PCDHGA2: variants seen among roughly 807,000 people sequenced by gnomAD.
The protein encoded by PCDHGA2 is protocadherin gamma subfamily A, 2, also known as protocadherin gamma-A2.
PCDHGA2 carries 40 observed loss-of-function variants against 59.2 expected under a neutral mutation model. The ratio of observed to expected loss-of-function variants is 0.68; its 90% CI spans 0.52 to 0.88. The LOEUF (loss-of-function observed/expected upper bound fraction) is 0.88, where lower values mean the gene tolerates loss of function less well. PCDHGA2 is among the 40% of genes least tolerant of loss of function. The probability of loss-of-function intolerance (pLI) is 0.00; values close to 1 mark genes in which losing one functional copy is unlikely to be tolerated. For missense variants in PCDHGA2, 1,226 were observed against 1,204.0 expected, an observed-to-expected ratio of 1.02 and a Z score of -0.27; for synonymous variants, 560 against 526.0, an observed-to-expected ratio of 1.06 and a Z score of -0.89.
At position 141,476,761 on chromosome 5, in the gene PCDHGA2, G is replaced by C. The variant is rs1293828206; in HGVS notation, c.2425-18046G>C. ...AGCCTAGTCTCCAGTTAGTGCTGAC[G>C]GCGTTGGACGGAGGGACCCCAGCTC... On this transcript the variant is annotated intron_variant, in intron 1 of 3. Transcript: ENST00000394576. This position sits in a 1 kb window ranked among gnomAD's most constrained non-coding sequence, Gnocchi z 7.6. 6.2e-7 allele frequency: 1 copy of C among 1,613,734 alleles called. No individual in the cohort carries two copies. Among genetic ancestry groups the C allele is most frequent in the East Asian group, 2.2e-5 (1 of 44,884 alleles).
intron 2 of PCDHGA2, among the ~76,000 whole-genome samples, chr5:141,504,238 G>A (rs1043662594): frequency 2.0e-5 from 3 of 152,228 alleles, no homozygotes; most frequent in African/African-American, 7.2e-5. Flanking sequence ...CTAAGAAGCA[G>A]AGAGTTCTTC....
At chr5:141,343,338 G>C in intron 1 of PCDHGA2, 1 of 981,118 alleles carries the variant, frequency 1.0e-6, no homozygotes, top group South Asian at 4.7e-5. Context: ...TTTTTTCCTT[G>C]TCTCAGCTCT....
At chr5:141,387,320 A>C (rs1461293740) in intron 1 of PCDHGA2, among the ~76,000 whole-genome samples, 1 of 152,234 alleles carries the variant, frequency 6.6e-6, no homozygotes, top group East Asian at 1.9e-4. Flanking sequence ...ATGAGTAAGT[A>C]TGGAAAATTA....
chr5:141,481,880 C>CTCCA (rs1483509373), intron 1 of PCDHGA2, among the ~76,000 whole-genome samples: 1 of 145,300 alleles, frequency 6.9e-6, no homozygotes, highest in Non-Finnish European at 1.5e-5. Context: ...CGCCACTGCA[C>CTCCA]TCCAGCCTGG....
Position 141,477,553 on chromosome 5 carries a change from A to G in PCDHGA2, c.2425-17254A>G. ...TCCCCGGGGCTCCAATACTAAACCTAAGTGTCTGGGACCCCGACGCCCCGC... is the reference window on the plus strand; with the variant it reads ...TCCCCGGGGCTCCAATACTAAACCTGAGTGTCTGGGACCCCGACGCCCCGC... On this transcript the variant is annotated intron_variant, in intron 1 of 3. Transcript: ENST00000394576. This position sits in a 1 kb window ranked among gnomAD's most constrained non-coding sequence, Gnocchi z 4.9. 5 of 1,614,090 alleles carry G rather than the reference A, an allele frequency of 3.1e-6. No individual in the cohort carries two copies. The highest frequency in any genetic ancestry group is 4.2e-6 in the Non-Finnish European group (5 of 1,180,020).
intron 1 of PCDHGA2, chr5:141,393,422 G>A: frequency 6.2e-7 from 1 of 1,614,042 alleles, no homozygotes; most frequent in Non-Finnish European, 8.5e-7. Context: ...TGGACAGGGA[G>A]GAAGAGGCTG....
intron 1 of PCDHGA2, among the ~76,000 whole-genome samples, chr5:141,449,281 G>A (rs1051064124): frequency 6.6e-6 from 1 of 151,946 alleles, no homozygotes; most frequent in Non-Finnish European, 1.5e-5. Context: ...TCCTTCACCC[G>A]GATGCACCGG....
chr5:141,365,319 G>T (rs745669256), intron 1 of PCDHGA2: 2 of 1,613,982 alleles, frequency 1.2e-6, no homozygotes, highest in South Asian at 2.2e-5. Context: ...CTTGTTGCCA[G>T]CGCTAAGGTG....
intron 1 of PCDHGA2, among the ~76,000 whole-genome samples, chr5:141,363,365 A>G (rs867687044): frequency 5.3e-5 from 8 of 152,158 alleles, no homozygotes; most frequent in Admixed American, 2.6e-4. Flanking sequence ...ATTTTTTTCA[A>G]TCAAGAGGTT....
chr5:141,492,499 C>T (rs2099741220), intron 1 of PCDHGA2, among the ~76,000 whole-genome samples: 1 of 152,198 alleles, frequency 6.6e-6, no homozygotes. Context: ...GGCGAGGACT[C>T]CGGAGCCTCC....
At chr5:141,413,118 G>A (rs999214227) in intron 1 of PCDHGA2, 4 of 1,517,034 alleles carry the variant, frequency 2.6e-6, no homozygotes, top group Admixed American at 4.3e-5. Flanking sequence ...CAAAGGAACC[G>A]GTTGAAACAC....
chr5:141,433,289 G>A, intron 1 of PCDHGA2: 1 of 1,130,682 alleles, frequency 8.8e-7, no homozygotes, highest in Non-Finnish European at 1.3e-6. Flanking sequence ...AAACTCCTAG[G>A]CTCAAGCAAT....
intron 1 of PCDHGA2, chr5:141,360,807 C>A: frequency 1.2e-6 from 2 of 1,613,914 alleles, no homozygotes; most frequent in Non-Finnish European, 8.5e-7. Flanking sequence ...CTCAAAGTGG[C>A]ACGACCCAAA....
At chr5:141,364,427 T>C (rs372052970) in intron 1 of PCDHGA2, 20 of 1,613,650 alleles carry the variant, frequency 1.2e-5, no homozygotes, top group Non-Finnish European at 1.7e-5. Flanking sequence ...GCAGATCCGC[T>C]ACTCGATGCC....
chr5:141,421,342 G>A (rs199737254), intron 1 of PCDHGA2: 25 of 1,613,872 alleles, frequency 1.5e-5, no homozygotes, highest in Non-Finnish European at 1.9e-5. Context: ...GGTGCCAGAA[G>A]AGACCGAAAA....
chr5:141,505,322 G>A, intron 2 of PCDHGA2, 71 bp from the exon 3 acceptor site: 1 of 1,606,332 alleles, frequency 6.2e-7, no homozygotes, highest in African/African-American at 1.3e-5. Context: ...TGGGAGCCCT[G>A]GGAGAGGACA....
rs2096260633 is a variant in PCDHGA2 at position 141,418,459 on chromosome 5, G to C, written c.2425-76348G>C. 2.5e-6 allele frequency: 4 copies of C among 1,613,992 alleles called. No homozygotes were observed. In the East Asian group the frequency reaches 6.7e-5, roughly 27 times the overall value. ...CAGAATTAGTATTGCAGAAGACTCT[G>C]GACCGAGAAACGCAGAGCGCTCACC... On this transcript the variant is annotated intron_variant, in intron 1 of 3. Transcript: ENST00000394576.
chr5:141,393,356 C>G (rs1174239790), intron 1 of PCDHGA2: 3 of 1,613,978 alleles, frequency 1.9e-6, no homozygotes, highest in East Asian at 2.2e-5. Context: ...TCTCCCTGGA[C>G]GTGCAGACTG....
rs1562137828 is a variant in PCDHGA2 at position 141,490,359 on chromosome 5, T to C, written c.2425-4448T>C. On this transcript the variant is annotated intron_variant, in intron 1 of 3. Transcript: ENST00000394576. This position sits in a 1 kb window ranked among gnomAD's most constrained non-coding sequence, Gnocchi z 5.4. ...TGGGCACAGTAGTGGGGTTGTTTAA[T>C]GTGCGAGACCGGGACTCAGGTAGAA... The C allele has an allele frequency of 1.9e-6, 3 of 1,614,212 alleles. No individual in the cohort carries two copies. The highest frequency in any genetic ancestry group is 2.5e-6 in the Non-Finnish European group (3 of 1,180,036).
Sources: gnomAD v4.1 joint callset for allele counts (sites outside exome capture counted in the v4.1 genomes callset) on GRCh38, gnomAD v4.1.1 for gene constraint, Gnocchi (gnomAD v3.1) non-coding constraint, MANE v1.5 for transcripts, NCBI Gene and HGNC (gene_info 2026-07-23, HGNC 2026-07-21) for gene names.